Variants in ACOXL observed in about 807,000 individuals in gnomAD.
ACOXL encodes acyl-coenzyme A oxidase-like protein.
In ACOXL, 70 loss-of-function variants were observed where a neutral mutation model predicts 71.9. That is an observed-to-expected ratio of 0.97 (90% CI 0.80 to 1.19). The LOEUF is 1.19. Among genes scored for constraint, ACOXL ranks in the 50% most tolerant of loss-of-function variants. The pLI, the probability that ACOXL is intolerant of heterozygous loss-of-function variation, is 0.00. For missense variants in ACOXL, 703 were observed against 736.3 expected, an observed-to-expected ratio of 0.95 and a Z score of 0.52; for synonymous variants, 253 against 281.6, an observed-to-expected ratio of 0.90 and a Z score of 1.02.
intron 12 of ACOXL, among the ~76,000 whole-genome samples, chr2:110,969,808 CT>C (rs1240456083): frequency 2.5e-5 from 3 of 121,542 alleles, no homozygotes; most frequent in Admixed American, 9.5e-5. Context: ...GAGACTTTGT[CT>C]CAAAAAAAAA....
chr2:111,116,696 G>C (rs547942378), intron 17 of ACOXL, among the ~76,000 whole-genome samples: 1 of 152,032 alleles, frequency 6.6e-6, no homozygotes, highest in African/African-American at 2.4e-5. Context: ...ATTTACCACT[G>C]GCCGAAAACT....
chr2:110,804,144 G>T (rs1686339867), intron 8 of ACOXL, among the ~76,000 whole-genome samples: 1 of 151,994 alleles, frequency 6.6e-6, no homozygotes, highest in Admixed American at 6.6e-5. Context: ...GCGCCACCAT[G>T]CCTGGCTCAT....
intron 16 of ACOXL, among the ~76,000 whole-genome samples, chr2:111,090,769 C>G (rs1274092445): frequency 6.6e-6 from 1 of 152,188 alleles, no homozygotes; most frequent in East Asian, 1.9e-4. Context: ...GGACAAGACG[C>G]TGAATGACCC....
chr2:110,784,259 A>C (rs1182152074), intron 2 of ACOXL, among the ~76,000 whole-genome samples: 2 of 145,790 alleles, frequency 1.4e-5, no homozygotes, highest in Non-Finnish European at 3.0e-5. Context: ...CTGTCTGTAC[A>C]AAAAAAAAAA....
intron 12 of ACOXL, among the ~76,000 whole-genome samples, chr2:110,958,165 G>A (rs2061573130): frequency 6.6e-6 from 1 of 151,966 alleles, no homozygotes. Flanking sequence ...ACACTCTCAT[G>A]CATACTCTCT....
intron 12 of ACOXL, among the ~76,000 whole-genome samples, chr2:110,951,656 G>A (rs945144890): frequency 6.6e-6 from 1 of 152,178 alleles, no homozygotes; most frequent in Non-Finnish European, 1.5e-5. Flanking sequence ...TTTTGTGCAT[G>A]TGTGCATTTA....
chr2:111,107,887 AT>A (rs1558976429), intron 17 of ACOXL, among the ~76,000 whole-genome samples: 1 of 152,272 alleles, frequency 6.6e-6, no homozygotes, highest in East Asian at 1.9e-4. Context: ...TGGAACTTCA[AT>A]TTTTTGAGCC....
chr2:111,084,688 A>G (rs2149991012), intron 16 of ACOXL, among the ~76,000 whole-genome samples: 1 of 152,278 alleles, frequency 6.6e-6, no homozygotes. Context: ...ACAGCTAACA[A>G]CACAATGACA....
chr2:110,883,901 A>C (rs573935400), intron 10 of ACOXL, among the ~76,000 whole-genome samples: 1 of 152,230 alleles, frequency 6.6e-6, no homozygotes, highest in Non-Finnish European at 1.5e-5. Context: ...TCATAGACAC[A>C]TATAGTACAC....
At chr2:110,867,974 GCTGGTCTTGAACTC>G (rs1694818021) in intron 10 of ACOXL, among the ~76,000 whole-genome samples, 1 of 151,914 alleles carries the variant, frequency 6.6e-6, no homozygotes, top group South Asian at 2.1e-4. Flanking sequence ...TCTTGGCTAG[GCTGGTCTTGAACTC>G]CTGACCTCGT....
chr2:110,992,330 G>A lies in ACOXL; in HGVS notation c.1170-3563G>A, dbSNP rs144065597. ...TTACTCTGACTTTATATGAAGGAAAGCCTTTGTCATCAAAGTGTTTTCAGC... is the reference window on the plus strand; with the variant it reads ...TTACTCTGACTTTATATGAAGGAAAACCTTTGTCATCAAAGTGTTTTCAGC... On this transcript the variant is annotated intron_variant, in intron 13 of 17. Coordinates refer to ENST00000439055, the MANE Select transcript of ACOXL (RefSeq NM_001142807.4). 3.2e-4 allele frequency among the ~76,000 whole-genome samples: 48 copies of A among 152,300 alleles called. 1 individual carries two copies. In the East Asian group the frequency reaches 8.1e-3, roughly 26 times the overall value.
At chr2:110,738,796 T>C (rs990085844) in intron 1 of ACOXL, among the ~76,000 whole-genome samples, 1 of 152,220 alleles carries the variant, frequency 6.6e-6, no homozygotes, top group African/African-American at 2.4e-5. Context: ...TTGTACCTCC[T>C]TGCCTTGTCT....
At chr2:110,932,452 G>A (rs1279673702) in intron 11 of ACOXL, among the ~76,000 whole-genome samples, 1 of 152,070 alleles carries the variant, frequency 6.6e-6, no homozygotes. Context: ...AGCAAAAATA[G>A]GCATGAGGTT....
chr2:110,949,374 T>C (rs2061239916), intron 12 of ACOXL, among the ~76,000 whole-genome samples: 1 of 116,984 alleles, frequency 8.5e-6, no homozygotes, highest in African/African-American at 3.1e-5. Flanking sequence ...TCAACTGGTT[T>C]CTGACCAACT....
At chr2:110,867,770 C>A (rs979329375) in intron 10 of ACOXL, among the ~76,000 whole-genome samples, 25 of 148,340 alleles carry the variant, frequency 1.7e-4, no homozygotes, top group African/African-American at 6.2e-4. Flanking sequence ...TCAAAAATTG[C>A]TTTTTTTTTT....
intron 9 of ACOXL, among the ~76,000 whole-genome samples, chr2:110,822,618 T>G (rs909629495): frequency 5.9e-5 from 9 of 152,204 alleles, no homozygotes; most frequent in African/African-American, 2.2e-4. Flanking sequence ...GTTATGTTCT[T>G]TTATCACAGT....
At chr2:110,963,580 TG>T in intron 12 of ACOXL, 1 of 1,193,080 alleles carries the variant, frequency 8.4e-7, no homozygotes, top group South Asian at 1.6e-5. Flanking sequence ...TGTGTGTGTG[TG>T]TGTGTGTGTG....
At chr2:110,903,803 G>C (rs1040752838) in intron 10 of ACOXL, among the ~76,000 whole-genome samples, 1 of 152,246 alleles carries the variant, frequency 6.6e-6, no homozygotes. Flanking sequence ...GGCCTGGACT[G>C]TCATGGCCCT....
chr2:110,793,886 CTA>C, intron 4 of ACOXL, 150 bp downstream of exon 4: 1 of 880,206 alleles, frequency 1.1e-6, no homozygotes, highest in Non-Finnish European at 1.8e-6. Context: ...AATTCCAAGA[CTA>C]TCTTTTTTAT....
Sources: gnomAD v4.1 joint callset for allele counts (sites outside exome capture counted in the v4.1 genomes callset) on GRCh38, gnomAD v4.1.1 for gene constraint, MANE v1.5 for transcripts, NCBI Gene and HGNC (gene_info 2026-07-23, HGNC 2026-07-21) for gene names.